Variants in DENND5B observed in about 807,000 individuals in gnomAD.
The protein encoded by DENND5B is DENN domain containing 5B.
DENND5B carries 34 observed loss-of-function variants against 140.6 expected under a neutral mutation model. The observed-to-expected ratio is 0.24, with a 90% CI of 0.18 to 0.32. The LOEUF is 0.32. Ranked by LOEUF, DENND5B falls within the 10% of genes least tolerant of loss-of-function variation. The pLI, the probability that DENND5B is intolerant of heterozygous loss-of-function variation, is 1.00. For missense variants in DENND5B, 1,142 were observed against 1,560.2 expected, an observed-to-expected ratio of 0.73 and a Z score of 4.52; for synonymous variants, 551 against 562.1, an observed-to-expected ratio of 0.98 and a Z score of 0.28.
intron 1 of DENND5B, among the ~76,000 whole-genome samples, chr12:31,576,867 C>T (rs1373690974): frequency 6.6e-6 from 1 of 150,598 alleles, no homozygotes; most frequent in East Asian, 2.0e-4. Flanking sequence ...CCACTGCACT[C>T]CAGCCTGGGC....
intron 13 of DENND5B, 53 bp from the exon 14 acceptor site, chr12:31,409,437 A>C: frequency 1.5e-6 from 2 of 1,370,180 alleles, no homozygotes; most frequent in Middle Eastern, 2.1e-4. Flanking sequence ...AAAAAAAAAA[A>C]AACCAAGACA....
At position 31,410,480 on chromosome 12, in the gene DENND5B, G is replaced by A. The variant is rs761262683; in HGVS notation, c.2682-1096C>T. Among the ~76,000 whole-genome samples, 5 of 152,158 alleles carry A rather than the reference G, an allele frequency of 3.3e-5. No homozygotes were observed. In the East Asian group the frequency reaches 5.8e-4, roughly 18 times the overall value. ...GAGTGCAGCGATGCAGTAACAGCTCGCTGCAGCCTTGACCTCCTGGGCTTG... is the reference window on the plus strand; with the variant it reads ...GAGTGCAGCGATGCAGTAACAGCTCACTGCAGCCTTGACCTCCTGGGCTTG... On this transcript the variant is annotated intron_variant, in intron 13 of 20. Transcript: ENST00000389082.
At chr12:31,589,773 G>A (rs1950537512) in intron 1 of DENND5B, 1 of 152,084 alleles carries the variant, frequency 6.6e-6, no homozygotes, top group Non-Finnish European at 1.5e-5. Flanking sequence ...TTCAGATCCC[G>A]CGGAGGCAAG....
chr12:31,566,054 A>T (rs1949614696), intron 1 of DENND5B, among the ~76,000 whole-genome samples: 1 of 152,176 alleles, frequency 6.6e-6, no homozygotes. Flanking sequence ...CTAGGGTGGA[A>T]GGATCGCTTG....
At chr12:31,540,124 A>G (rs1389470891) in intron 1 of DENND5B, among the ~76,000 whole-genome samples, 1 of 152,212 alleles carries the variant, frequency 6.6e-6, no homozygotes, top group Non-Finnish European at 1.5e-5. Flanking sequence ...CCCATTTACA[A>G]TAACTACAAA....
chr12:31,574,287 A>ATAC (rs1949929878), intron 1 of DENND5B, among the ~76,000 whole-genome samples: 1 of 144,282 alleles, frequency 6.9e-6, no homozygotes, highest in Non-Finnish European at 1.5e-5. Context: ...AATAATAATA[A>ATAC]TAATAATAAT....
intron 1 of DENND5B, among the ~76,000 whole-genome samples, chr12:31,498,760 G>A (rs1262258090): frequency 6.6e-6 from 1 of 151,980 alleles, no homozygotes; most frequent in African/African-American, 2.4e-5. Context: ...ATCACTTGAG[G>A]TCAGGAGTTC....
chr12:31,556,279 A>G (rs985036124), intron 1 of DENND5B, among the ~76,000 whole-genome samples: 1 of 152,030 alleles, frequency 6.6e-6, no homozygotes, highest in African/African-American at 2.4e-5. Context: ...ACCTCGGCTC[A>G]CTGCAACCTC....
chr12:31,424,752 A>G, intron 9 of DENND5B, 65 bp from the exon 10 acceptor site: 1 of 1,570,562 alleles, frequency 6.4e-7, no homozygotes. Context: ...CAAGTCAATT[A>G]CTAAAGTAGG....
chr12:31,400,352 T>C (rs771650106), intron 15 of DENND5B, among the ~76,000 whole-genome samples: 1 of 152,148 alleles, frequency 6.6e-6, no homozygotes, highest in Non-Finnish European at 1.5e-5. Flanking sequence ...ATACTAGAAG[T>C]CTTTGAAGCT....
intron 17 of DENND5B, among the ~76,000 whole-genome samples, chr12:31,395,469 C>T (rs1330165393): frequency 7.2e-5 from 11 of 152,062 alleles, no homozygotes; most frequent in Non-Finnish European, 1.6e-4. Flanking sequence ...AGTGCATGCC[C>T]GTAATCCCAG....
intron 1 of DENND5B, among the ~76,000 whole-genome samples, chr12:31,558,092 A>G (rs1486478251): frequency 6.6e-6 from 1 of 152,206 alleles, no homozygotes; most frequent in Non-Finnish European, 1.5e-5. Flanking sequence ...GCAATCGCAT[A>G]GACTAGTCTT....
At chr12:31,586,173 C>T (rs1950386505) in intron 1 of DENND5B, among the ~76,000 whole-genome samples, 1 of 152,138 alleles carries the variant, frequency 6.6e-6, no homozygotes, top group South Asian at 2.1e-4. Context: ...GAAATAAAAG[C>T]TATAAAATAA....
chr12:31,497,539 A>G lies in DENND5B; in HGVS notation c.128-1620T>C, dbSNP rs189027481. On this transcript the variant is annotated intron_variant, in intron 1 of 20. Coordinates refer to ENST00000389082, the MANE Select transcript of DENND5B (RefSeq NM_144973.4). Reference sequence around the variant, plus strand: ...TGGCTGAAGAACAGATTCAGGGCTCAGAACTGATTTCAGGAAGAGTCCATG... The same window carrying G: ...TGGCTGAAGAACAGATTCAGGGCTCGGAACTGATTTCAGGAAGAGTCCATG... 8.1e-4 allele frequency among the ~76,000 whole-genome samples: 123 copies of G among 151,964 alleles called. 1 individual carries two copies. Among genetic ancestry groups the G allele is most frequent in the African/African-American group, 2.8e-3 (117 of 41,434 alleles).
chr12:31,437,946 G>C (rs989917742), intron 7 of DENND5B, among the ~76,000 whole-genome samples: 2 of 152,206 alleles, frequency 1.3e-5, no homozygotes, highest in African/African-American at 4.8e-5. Flanking sequence ...GCGATTCTGA[G>C]TGGTTAAAAA....
At chr12:31,565,936 G>A in intron 1 of DENND5B, among the ~76,000 whole-genome samples, 1 of 152,074 alleles carries the variant, frequency 6.6e-6, no homozygotes, top group Non-Finnish European at 1.5e-5. Context: ...GAACCCAGGA[G>A]TTTGAGACCA....
intron 7 of DENND5B, among the ~76,000 whole-genome samples, chr12:31,436,831 G>A (rs946283145): frequency 9.9e-5 from 15 of 151,922 alleles, no homozygotes; most frequent in African/African-American, 2.7e-4. Flanking sequence ...CACTGCGCCC[G>A]ACCCAGCTCC....
chr12:31,585,161 G>A (rs2139509896), intron 1 of DENND5B, among the ~76,000 whole-genome samples: 1 of 152,242 alleles, frequency 6.6e-6, no homozygotes, highest in African/African-American at 2.4e-5. Flanking sequence ...TCCAACATTA[G>A]GAATCAAATT....
At chr12:31,574,267 A>AAATAATAATGATAAT (rs1949927081) in intron 1 of DENND5B, among the ~76,000 whole-genome samples, 2 of 89,702 alleles carry the variant, frequency 2.2e-5, no homozygotes, top group African/African-American at 6.2e-5. Flanking sequence ...TGTCTCTAAA[A>AAATAATAATGATAAT]AATAATAATA....
Sources: gnomAD v4.1 joint callset for allele counts (sites outside exome capture counted in the v4.1 genomes callset) on GRCh38, gnomAD v4.1.1 for gene constraint, MANE v1.5 for transcripts, NCBI Gene and HGNC (gene_info 2026-07-23, HGNC 2026-07-21) for gene names.